FGF13: variants seen among roughly 807,000 people sequenced by gnomAD.
The protein encoded by FGF13 is fibroblast growth factor homologous factor 2.
A neutral mutation model predicts 19.5 loss-of-function variants in FGF13; 2 were observed. The observed-to-expected ratio is 0.10, with a 90% confidence interval of 0.04 to 0.32. The LOEUF is 0.32. FGF13 is among the 10% of genes least tolerant of loss of function. The pLI, the probability that FGF13 is intolerant of heterozygous loss-of-function variation, is 1.00. For missense variants in FGF13, 113 were observed against 192.7 expected (o/e 0.59, Z 2.45); for synonymous variants, 72 against 76.9 (o/e 0.94, Z 0.33).
At chrX:138,899,827 A>C (rs924624829) in intron 1 of FGF13, among the ~76,000 whole-genome samples, 10 of 57,259 alleles carry the variant, frequency 1.7e-4, no homozygotes, top group African/African-American at 6.2e-4. Context: ...CACCGCCCTC[A>C]AGAAATTGCC....
chrX:139,136,935 C>G (rs992202908), intron 1 of FGF13, among the ~76,000 whole-genome samples: 1 of 111,872 alleles, frequency 8.9e-6, no homozygotes, highest in Admixed American at 9.5e-5. Context: ...AAGACGAATT[C>G]CCAGATGCCA....
chrX:138,864,865 G>A (rs369614227), intron 1 of FGF13, among the ~76,000 whole-genome samples: 1 of 111,981 alleles, frequency 8.9e-6, no homozygotes, highest in Non-Finnish European at 1.9e-5. Context: ...GTACCATCAG[G>A]AGAGTTGACA....
chrX:139,042,066 T>A (rs781775580), intron 1 of FGF13, among the ~76,000 whole-genome samples: 1 of 112,566 alleles, frequency 8.9e-6, no homozygotes, highest in South Asian at 3.7e-4. Context: ...TATTTGACAA[T>A]ACTGGGCTGT....
rs781223523 is a variant in FGF13, at chrX:139,028,688, A to AGTGTGTGTGTGTGTGT, written c.-112-164054_-112-164039dup. ...GAAAGAGAGAGTGTGTGTGAAAGACAGTGTGTGTGTGTGTGTGTGTGAGAG... is the reference window on the plus strand; with the variant it reads ...GAAAGAGAGAGTGTGTGTGAAAGACAGTGTGTGTGTGTGTGTGTGTGTGTGTGTGTGTGTGTGAGAG... On this transcript the variant is annotated intron_variant, in intron 1 of 2. Coordinates refer to the FGF13 transcript ENST00000421460. 1.2e-4 allele frequency among the ~76,000 whole-genome samples: 10 copies of AGTGTGTGTGTGTGTGT among 80,690 alleles called. No individual in the cohort carries two copies. The Admixed American group carries it at 1.3e-3, about 10-fold the overall frequency. The allele number at this position is 80,690 out of a possible 115,157, so 70.1% of individuals were successfully genotyped here. A position where few individuals can be genotyped will look rare whatever the true frequency, so the allele number is the denominator to read the frequency against.
intron 3 of FGF13, among the ~76,000 whole-genome samples, chrX:138,768,716 TAA>T (rs1482655235): frequency 1.6e-4 from 16 of 98,568 alleles, no homozygotes; most frequent in African/African-American, 4.8e-4. Context: ...TATATATATA[TAA>T]GTATATATTA....
At chrX:138,761,895 T>G (rs2090469953) in intron 3 of FGF13, among the ~76,000 whole-genome samples, 1 of 110,447 alleles carries the variant, frequency 9.1e-6, no homozygotes, top group African/African-American at 3.3e-5. Flanking sequence ...TAATTGCAGG[T>G]GGTGACAGAG....
intron 1 of FGF13, among the ~76,000 whole-genome samples, chrX:139,116,691 G>C (rs750278519): frequency 4.5e-5 from 5 of 110,880 alleles, no homozygotes; most frequent in South Asian, 7.7e-4. Context: ...AGAGCGGGGG[G>C]AAAAAAATCC....
At chrX:139,078,792 G>A (rs954526868) in intron 1 of FGF13, among the ~76,000 whole-genome samples, 2 of 112,498 alleles carry the variant, frequency 1.8e-5, no homozygotes, top group African/African-American at 6.5e-5. Flanking sequence ...AAGCTGATCC[G>A]ATTTACACAT....
At chrX:138,934,562 G>A (rs948675662) in intron 1 of FGF13, among the ~76,000 whole-genome samples, 5 of 112,755 alleles carry the variant, frequency 4.4e-5, no homozygotes, top group African/African-American at 1.3e-4. Context: ...TATTTCAAAT[G>A]TGTGCTGCTC....
At chrX:139,015,019 C>T (rs965212207) in intron 1 of FGF13, among the ~76,000 whole-genome samples, 5 of 111,099 alleles carry the variant, frequency 4.5e-5, no homozygotes, top group Non-Finnish European at 9.5e-5. Flanking sequence ...TTCATCATCT[C>T]TTCATGACAA....
chrX:139,160,290 A>G (rs2367450), intron 1 of FGF13, among the ~76,000 whole-genome samples: 13,333 of 111,874 alleles, frequency 0.12, 1,305 homozygotes, highest in African/African-American at 0.33. Flanking sequence ...CTTTGAAACC[A>G]ATGAGAACAA....
chrX:138,963,385 GTGAATCC>G (rs1180798401), intron 1 of FGF13, among the ~76,000 whole-genome samples: 1 of 112,509 alleles, frequency 8.9e-6, no homozygotes, highest in Non-Finnish European at 1.9e-5. Context: ...GTCCACAGAA[GTGAATCC>G]TGAAGGGATG....
At chrX:138,898,573 A>G (rs779527292) in intron 1 of FGF13, among the ~76,000 whole-genome samples, 2 of 110,926 alleles carry the variant, frequency 1.8e-5, no homozygotes, top group Non-Finnish European at 3.8e-5. Flanking sequence ...ATGTGTCCAG[A>G]CTCCCTTTTT....
intron 3 of FGF13, among the ~76,000 whole-genome samples, chrX:138,701,667 A>G (rs1448248163): frequency 8.9e-6 from 1 of 112,238 alleles, no homozygotes; most frequent in Non-Finnish European, 1.9e-5. Flanking sequence ...TGATTTACCA[A>G]ATAAACAGGC....
intron 1 of FGF13, chrX:138,739,091 G>A: frequency 2.8e-6 from 1 of 353,973 alleles, no homozygotes; most frequent in Admixed American, 5.5e-5. Context: ...CCGGAGTAAA[G>A]GGAATCAAGA....
chrX:138,735,616 A>T (rs1409546161), intron 1 of FGF13, among the ~76,000 whole-genome samples: 1 of 112,132 alleles, frequency 8.9e-6, no homozygotes, highest in Non-Finnish European at 1.9e-5. Flanking sequence ...GTCATATCAG[A>T]TAAAGCTGCT....
At chrX:138,792,519 C>G (rs1337611913) in intron 3 of FGF13, among the ~76,000 whole-genome samples, 6 of 111,740 alleles carry the variant, frequency 5.4e-5, no homozygotes, top group Non-Finnish European at 1.1e-4. Flanking sequence ...GTTAAAATAA[C>G]TTATCCAAGG....
At chrX:139,063,520 T>C (rs2092342952) in intron 1 of FGF13, among the ~76,000 whole-genome samples, 2 of 111,786 alleles carry the variant, frequency 1.8e-5, no homozygotes, top group South Asian at 7.4e-4. Flanking sequence ...ATGTTGGCTA[T>C]AGGATTTTGC....
chrX:138,631,016 T>G lies in FGF13; in HGVS notation c.*1834A>C, dbSNP rs1254938830. The stretch of plus-strand genomic sequence containing the variant: ...TACTGGAAATAAAAAGCAAAATGGT[T>G]GTATGGTAAAGTATGAGTTCTACTA... On this transcript the variant is annotated 3_prime_UTR_variant, in exon 5 of 5. Transcript: ENST00000315930. 1 of 111,582 alleles carries G rather than the reference T, an allele frequency of 9.0e-6. No individual in the cohort carries two copies. The highest frequency in any genetic ancestry group is 3.3e-5 in the African/African-American group (1 of 30,650). The allele number at this position is 111,582 out of a possible 1,213,427, so 9.2% of individuals were successfully genotyped here.
Sources: gnomAD v4.1 joint callset for allele counts (sites outside exome capture counted in the v4.1 genomes callset) on GRCh38, gnomAD v4.1.1 for gene constraint, MANE v1.5 for transcripts, NCBI Gene and HGNC (gene_info 2026-07-23, HGNC 2026-07-21) for gene names.